NPTN: variants seen among roughly 807,000 people sequenced by gnomAD.
The protein encoded by NPTN is neuroplastin.
Under a neutral mutation model 42.7 loss-of-function variants are expected in NPTN, and 5 were observed. The observed-to-expected ratio is 0.12, with a 90% confidence interval of 0.06 to 0.25. NPTN has a LOEUF of 0.25. NPTN is among the 10% of genes least tolerant of loss of function. The probability of loss-of-function intolerance (pLI) is 1.00; values close to 1 mark genes in which losing one functional copy is unlikely to be tolerated. For synonymous variants in NPTN, 180 were observed against 201.9 expected, an observed-to-expected ratio of 0.89 and a Z score of 0.92; for missense variants, 307 against 525.4, an observed-to-expected ratio of 0.58 and a Z score of 4.06.
In NPTN at chr15:73,560,624, A is replaced by G. The variant is rs1894605801; in HGVS notation, c.*439T>C. 6.8e-6 allele frequency: 1 copy of G among 146,040 alleles called. No individual in the cohort carries two copies. Among genetic ancestry groups the G allele is most frequent in the South Asian group, 2.1e-4 (1 of 4,688 alleles). The allele number at this position is 146,040 out of a possible 1,614,324, so 9.0% of individuals were successfully genotyped here. On this transcript the variant is annotated 3_prime_UTR_variant, in exon 9 of 9. Coordinates refer to ENST00000345330, the MANE Select transcript of NPTN (RefSeq NM_012428.4). ...ATTTCTCCCACCCCCAAAAATATAAATATATATATATATATATTTATATAC... is the reference window on the plus strand; with the variant it reads ...ATTTCTCCCACCCCCAAAAATATAAGTATATATATATATATATTTATATAC...
At chr15:73,579,193 G>C (rs1895863062) in intron 4 of NPTN, among the ~76,000 whole-genome samples, 1 of 149,870 alleles carries the variant, frequency 6.7e-6, no homozygotes, top group Non-Finnish European at 1.5e-5. Context: ...GCAGGAGAAT[G>C]GCACGAACCC....
chr15:73,598,852 TG>T (rs2141412773), intron 1 of NPTN, among the ~76,000 whole-genome samples: 1 of 152,302 alleles, frequency 6.6e-6, no homozygotes, highest in African/African-American at 2.4e-5. Context: ...GGTTACTAAG[TG>T]GAAAAATTCC....
chr15:73,588,570 TG>T (rs1896432120), intron 3 of NPTN, among the ~76,000 whole-genome samples: 2 of 152,350 alleles, frequency 1.3e-5, no homozygotes, highest in African/African-American at 4.8e-5. Context: ...CCAGATCTTC[TG>T]GTCTCTCTTC....
intron 1 of NPTN, among the ~76,000 whole-genome samples, chr15:73,628,202 T>C (rs1898530457): frequency 6.6e-6 from 1 of 152,226 alleles, no homozygotes; most frequent in Admixed American, 6.5e-5. Flanking sequence ...CTTTGATGTG[T>C]GAATTTACTT....
At chr15:73,598,105 C>T (rs1896910517) in intron 1 of NPTN, among the ~76,000 whole-genome samples, 1 of 152,166 alleles carries the variant, frequency 6.6e-6, no homozygotes, top group Non-Finnish European at 1.5e-5. Context: ...CTTCACACCA[C>T]AGTGAGATAT....
chr15:73,563,395 C>T, intron 6 of NPTN, 138 bp from the exon 7 acceptor site: 1 of 1,469,670 alleles, frequency 6.8e-7, no homozygotes, highest in Admixed American at 2.5e-5. Context: ...TATTAAAGGC[C>T]ATTCCATCTG....
intron 1 of NPTN, among the ~76,000 whole-genome samples, chr15:73,628,716 T>C (rs1368285853): frequency 6.6e-6 from 1 of 152,322 alleles, no homozygotes; most frequent in Non-Finnish European, 1.5e-5. Flanking sequence ...CTAATTACAT[T>C]TGGTCATCTT....
intron 1 of NPTN, among the ~76,000 whole-genome samples, chr15:73,624,677 C>T (rs141989717): frequency 3.5e-3 from 529 of 152,250 alleles, no homozygotes; most frequent in Admixed American, 6.1e-3. Context: ...GATGGTTCTG[C>T]TTACCCTCTC....
At chr15:73,564,973 T>C (rs1397360751) in intron 6 of NPTN, among the ~76,000 whole-genome samples, 3 of 152,184 alleles carry the variant, frequency 2.0e-5, no homozygotes, top group African/African-American at 7.2e-5. Flanking sequence ...CATGACACTG[T>C]AGGCACCAAC....
intron 1 of NPTN, among the ~76,000 whole-genome samples, chr15:73,604,030 T>TG (rs1897181470): frequency 6.6e-6 from 1 of 152,178 alleles, no homozygotes; most frequent in Non-Finnish European, 1.5e-5. Flanking sequence ...GAAATAAGCA[T>TG]TTGGTATGAC....
intron 1 of NPTN, among the ~76,000 whole-genome samples, chr15:73,603,509 C>T (rs1897160234): frequency 6.6e-6 from 1 of 152,126 alleles, no homozygotes; most frequent in African/African-American, 2.4e-5. Flanking sequence ...TTAGAGCAAA[C>T]TGGAATGAAC....
At chr15:73,607,771 T>G (rs1566982136) in intron 1 of NPTN, among the ~76,000 whole-genome samples, 1 of 152,236 alleles carries the variant, frequency 6.6e-6, no homozygotes, top group Admixed American at 6.5e-5. Flanking sequence ...GACAAAATTC[T>G]AAAGCAGTAA....
rs1895223127 is a variant in NPTN at position 73,569,151 on chromosome 15, G to C, written c.1114+999C>G. On this transcript the variant is annotated intron_variant, in intron 6 of 8. Transcript: ENST00000345330. This position sits in a 1 kb window ranked among gnomAD's most constrained non-coding sequence, Gnocchi z 4.1. ...GGGGCACACCCATCTGTCTAGTCTA[G>C]CCAGGGACAGACTAGTGGTGGTAAC... is the stretch of plus-strand genomic sequence containing the variant. 1 of 985,378 alleles carries C rather than the reference G, an allele frequency of 1.0e-6. No individual in the cohort carries two copies. Among genetic ancestry groups the C allele is most frequent in the African/African-American group, 1.7e-5 (1 of 57,234 alleles). 61.0% of individuals were successfully genotyped at this position (985,378 alleles called of 1,614,324 possible).
In NPTN at chr15:73,569,920, G is replaced by T. The variant is rs1895265510; in HGVS notation, c.1114+230C>A. Reference sequence around the variant, plus strand: ...TGGAAAACACCCAAACAGAGGGAGAGAGCTAAGGACAGCTCTAGATGGCTA... The same window carrying T: ...TGGAAAACACCCAAACAGAGGGAGATAGCTAAGGACAGCTCTAGATGGCTA... On this transcript the variant is annotated intron_variant, in intron 6 of 8. Coordinates refer to ENST00000345330, the MANE Select transcript of NPTN (RefSeq NM_012428.4). The surrounding 1 kb of genome is among the most constrained non-coding windows in gnomAD (Gnocchi z 4.1). The T allele has an allele frequency of 5.5e-6, 3 of 547,252 alleles. No homozygotes were observed. The highest frequency in any genetic ancestry group is 1.6e-4 in the South Asian group (2 of 12,512). The allele number at this position is 547,252 out of a possible 1,614,324, so 33.9% of individuals were successfully genotyped here.
chr15:73,584,616 A>C (rs1050328364), intron 4 of NPTN, among the ~76,000 whole-genome samples: 2 of 152,002 alleles, frequency 1.3e-5, no homozygotes, highest in African/African-American at 4.8e-5. Flanking sequence ...TTTGGGCTCC[A>C]TAAGGCCTCA....
At chr15:73,629,754 G>A (rs938520513) in intron 1 of NPTN, among the ~76,000 whole-genome samples, 9 of 151,042 alleles carry the variant, frequency 6.0e-5, no homozygotes, top group Admixed American at 5.3e-4. Flanking sequence ...CTGTGTGCCG[G>A]GTACCACACT....
chr15:73,580,744 A>C (rs1309507682), intron 4 of NPTN, among the ~76,000 whole-genome samples: 1 of 151,468 alleles, frequency 6.6e-6, no homozygotes, highest in Non-Finnish European at 1.5e-5. Flanking sequence ...CTTAGACCCA[A>C]AGCAGAACCA....
chr15:73,564,758 A>G (rs1487963566), intron 6 of NPTN, among the ~76,000 whole-genome samples: 1 of 152,224 alleles, frequency 6.6e-6, no homozygotes, highest in Non-Finnish European at 1.5e-5. Context: ...CAGCTCAGCT[A>G]CATGCTAGGA....
At chr15:73,610,094 T>C (rs929635722) in intron 1 of NPTN, among the ~76,000 whole-genome samples, 1 of 152,038 alleles carries the variant, frequency 6.6e-6, no homozygotes, top group Admixed American at 6.5e-5. Context: ...CTTTTTTTTT[T>C]CTTTTTTTAG....
Sources: gnomAD v4.1 joint callset for allele counts (sites outside exome capture counted in the v4.1 genomes callset) on GRCh38, gnomAD v4.1.1 for gene constraint, Gnocchi (gnomAD v3.1) non-coding constraint, MANE v1.5 for transcripts, NCBI Gene and HGNC (gene_info 2026-07-23, HGNC 2026-07-21) for gene names.